Variants in DIAPH2 observed in about 807,000 individuals in gnomAD.
DIAPH2 encodes protein diaphanous homolog 2.
DIAPH2 carries 35 observed loss-of-function variants against 92.7 expected under a neutral mutation model. The ratio of observed to expected loss-of-function variants is 0.38; its 90% confidence interval spans 0.29 to 0.50. The LOEUF (loss-of-function observed/expected upper bound fraction) is 0.50. Among genes scored for constraint, DIAPH2 ranks in the 20% least tolerant of loss-of-function variants. The pLI, the probability that DIAPH2 is intolerant of heterozygous loss-of-function variation, is 0.94. For missense variants in DIAPH2, 701 were observed against 819.5 expected (o/e 0.86, Z 1.77); for synonymous variants, 301 against 280.4 (o/e 1.07, Z -0.73).
chrX:97,069,290 C>G (rs2066653893), intron 17 of DIAPH2, among the ~76,000 whole-genome samples: 1 of 111,003 alleles, frequency 9.0e-6, no homozygotes, highest in South Asian at 3.9e-4. Flanking sequence ...TTTTAATTCT[C>G]CTCATATTTC....
intron 26 of DIAPH2, among the ~76,000 whole-genome samples, chrX:97,518,639 C>G: frequency 9.1e-6 from 1 of 110,158 alleles, no homozygotes; most frequent in Middle Eastern, 4.6e-3. Context: ...GAAAGCTTCT[C>G]AAGCCATGAA....
intron 23 of DIAPH2, among the ~76,000 whole-genome samples, chrX:97,251,185 G>A (rs1355452454): frequency 9.0e-6 from 1 of 111,700 alleles, no homozygotes; most frequent in Non-Finnish European, 1.9e-5. Context: ...CAAGAGCAAA[G>A]CATACAAATT....
chrX:97,577,736 G>A (rs767530670), intron 26 of DIAPH2, among the ~76,000 whole-genome samples: 13 of 111,940 alleles, frequency 1.2e-4, no homozygotes, highest in African/African-American at 1.6e-4. Context: ...ATTGGATAGA[G>A]TGGGATCTGT....
At chrX:96,727,729 A>G (rs1427152139) in intron 1 of DIAPH2, among the ~76,000 whole-genome samples, 3 of 112,003 alleles carry the variant, frequency 2.7e-5, no homozygotes, top group Non-Finnish European at 5.6e-5. Flanking sequence ...CTGAAAGTGA[A>G]TAAGACAGTT....
chrX:96,949,856 T>A (rs1276051876), intron 15 of DIAPH2, among the ~76,000 whole-genome samples: 1 of 96,302 alleles, frequency 1.0e-5, no homozygotes, highest in Non-Finnish European at 2.0e-5. Context: ...CGAGACTCCG[T>A]CTGAAAAAAA....
At chrX:97,336,562 T>C (rs1344908469) in intron 23 of DIAPH2, among the ~76,000 whole-genome samples, 3 of 111,259 alleles carry the variant, frequency 2.7e-5, no homozygotes, top group Non-Finnish European at 5.7e-5. Context: ...AGTCACACTT[T>C]TCAAATTGCA....
intron 16 of DIAPH2, among the ~76,000 whole-genome samples, chrX:96,964,177 A>AT (rs200261160): frequency 0.032 from 3,561 of 111,398 alleles, 154 homozygotes; most frequent in African/African-American, 0.11. Context: ...GACAGCATCT[A>AT]TGTAGTAAGT....
intron 26 of DIAPH2, among the ~76,000 whole-genome samples, chrX:97,435,830 T>C (rs188649162): frequency 2.0e-5 from 2 of 99,816 alleles, no homozygotes; most frequent in East Asian, 6.3e-4. Context: ...TTTTTTGAGA[T>C]GGACTCTCAC....
intron 5 of DIAPH2, among the ~76,000 whole-genome samples, chrX:96,898,492 A>T (rs829299): frequency 0.31 from 17,941 of 57,492 alleles, 4,260 homozygotes; most frequent in Middle Eastern, 0.39. Flanking sequence ...GTGAGCATTT[A>T]TTCATGTGTC....
intron 22 of DIAPH2, among the ~76,000 whole-genome samples, chrX:97,157,594 C>CT (rs78844248): frequency 0.33 from 36,211 of 109,752 alleles, 4,624 homozygotes; most frequent in South Asian, 0.52. Flanking sequence ...ATGTCCTACT[C>CT]TGTCTATGGA....
intron 23 of DIAPH2, among the ~76,000 whole-genome samples, chrX:97,259,318 C>A (rs1388449340): frequency 2.7e-5 from 3 of 110,647 alleles, no homozygotes; most frequent in Non-Finnish European, 5.7e-5. Flanking sequence ...CAGCATGGGA[C>A]TCCGTCTCAA....
At position 97,599,419 on chromosome X, in the gene DIAPH2, A is replaced by G; in HGVS notation, c.*102A>G. ...CAGCGGCTGGAAAGGAAATAAGTGCATTTCTGCAAAGATCAAGATAAGCTG... is the reference window on the plus strand; with the variant it reads ...CAGCGGCTGGAAAGGAAATAAGTGCGTTTCTGCAAAGATCAAGATAAGCTG... On this transcript the variant is annotated 3_prime_UTR_variant, in exon 27 of 27. Coordinates refer to ENST00000324765, the MANE Select transcript of DIAPH2 (RefSeq NM_006729.5). The G allele has an allele frequency of 1.9e-6, 1 of 514,119 alleles. No individual in the cohort carries two copies. The allele number at this position is 514,119 out of a possible 1,213,427, so 42.4% of individuals were successfully genotyped here.
chrX:97,430,610 T>G (rs2147777769), intron 26 of DIAPH2, among the ~76,000 whole-genome samples: 1 of 112,772 alleles, frequency 8.9e-6, no homozygotes, highest in African/African-American at 3.2e-5. Context: ...ATGTAAACTC[T>G]ACTTCATTTA....
chrX:97,573,648 G>GT (rs1397841400), intron 26 of DIAPH2, among the ~76,000 whole-genome samples: 13 of 105,207 alleles, frequency 1.2e-4, no homozygotes, highest in African/African-American at 3.8e-4. Context: ...TTTTTTTGGG[G>GT]TTTTTTTGTT....
At chrX:97,504,940 C>T (rs1462858955) in intron 26 of DIAPH2, among the ~76,000 whole-genome samples, 2 of 111,779 alleles carry the variant, frequency 1.8e-5, no homozygotes, top group Admixed American at 1.9e-4. Flanking sequence ...GACACATTGA[C>T]ATGGTATAAA....
At chrX:97,252,566 C>G (rs1398869035) in intron 23 of DIAPH2, among the ~76,000 whole-genome samples, 1 of 111,501 alleles carries the variant, frequency 9.0e-6, no homozygotes, top group Non-Finnish European at 1.9e-5. Context: ...TGAAAAAACT[C>G]ACAGAACCAC....
At chrX:97,112,970 G>C (rs1266025259) in intron 20 of DIAPH2, among the ~76,000 whole-genome samples, 4 of 107,506 alleles carry the variant, frequency 3.7e-5, no homozygotes, top group African/African-American at 1.4e-4. Flanking sequence ...AGTAGAGACA[G>C]GGTTTCGCCA....
In DIAPH2 at chrX:97,387,617, A is replaced by G. The variant is rs1016238324; in HGVS notation, c.3145+3573A>G. 6.2e-5 allele frequency among the ~76,000 whole-genome samples: 7 copies of G among 112,036 alleles called. No individual in the cohort carries two copies. The East Asian group carries it at 1.1e-3, about 18-fold the overall frequency. ...CATGAGGTACAAACCGCTTTACCCA[A>G]AGTTCACTGATTTAAATGTTGATCT... On this transcript the variant is annotated intron_variant, in intron 25 of 26. Coordinates refer to ENST00000324765, the MANE Select transcript of DIAPH2 (RefSeq NM_006729.5).
In DIAPH2 at chrX:97,558,105, C is replaced by T. The variant is rs143713951; in HGVS notation, c.3242-41148C>T. ...TTAACATCTACGAACGAGATTATGT[C>T]CTAAGTAGCAGGAATTCAAAGACAT... On this transcript the variant is annotated intron_variant, in intron 26 of 26. Coordinates refer to ENST00000324765, the MANE Select transcript of DIAPH2 (RefSeq NM_006729.5). Among the ~76,000 whole-genome samples the T allele has an allele frequency of 5.0e-3, 555 of 111,763 alleles. 3 individuals carry two copies. The highest frequency in any genetic ancestry group is 7.6e-3 in the South Asian group (20 of 2,632).
Sources: gnomAD v4.1 joint callset for allele counts (sites outside exome capture counted in the v4.1 genomes callset) on GRCh38, gnomAD v4.1.1 for gene constraint, MANE v1.5 for transcripts, NCBI Gene and HGNC (gene_info 2026-07-23, HGNC 2026-07-21) for gene names.